Variants in PTPRD observed in about 807,000 individuals in gnomAD.
The protein encoded by PTPRD is protein tyrosine phosphatase receptor type D, also known as receptor-type tyrosine-protein phosphatase delta.
A neutral mutation model predicts 214.5 loss-of-function variants in PTPRD; 34 were observed. The observed-to-expected ratio is 0.16, with a 90% CI of 0.12 to 0.21. The LOEUF (loss-of-function observed/expected upper bound fraction) is 0.21. Ranked by LOEUF, PTPRD falls within the 10% of genes least tolerant of loss-of-function variation. PTPRD has a pLI of 1.00. For synonymous variants in PTPRD, 1,128 were observed against 845.7 expected, an observed-to-expected ratio of 1.33 and a Z score of -5.79; for missense variants, 2,545 against 2,398.7, an observed-to-expected ratio of 1.06 and a Z score of -1.27.
chr9:9,521,680 C>A (rs931440181), intron 8 of PTPRD, among the ~76,000 whole-genome samples: 1 of 152,076 alleles, frequency 6.6e-6, no homozygotes, highest in East Asian at 1.9e-4. Flanking sequence ...TCGTAAATGA[C>A]ATACACATGT....
intron 11 of PTPRD, among the ~76,000 whole-genome samples, chr9:8,935,653 G>A (rs72706277): frequency 0.26 from 38,795 of 152,006 alleles, 5,610 homozygotes; most frequent in Middle Eastern, 0.34. Flanking sequence ...GCATCTGAAC[G>A]TGTGCAGTTT....
In PTPRD at chr9:10,585,267, G is replaced by A. The variant is rs976849230; in HGVS notation, c.-600+27131C>T. Among the ~76,000 whole-genome samples, 6 of 151,604 alleles carry A rather than the reference G, an allele frequency of 4.0e-5. No homozygotes were observed. In the East Asian group the frequency reaches 5.8e-4, roughly 15 times the overall value. On this transcript the variant is annotated intron_variant, in intron 2 of 45. Coordinates refer to ENST00000381196, the MANE Select transcript of PTPRD (RefSeq NM_002839.4). ...ATTGAAGTAATAACTTATTTTTTGTGCTCATCCTTCTCTTGGATATTTGCT... is the reference window on the plus strand; with the variant it reads ...ATTGAAGTAATAACTTATTTTTTGTACTCATCCTTCTCTTGGATATTTGCT...
chr9:10,485,453 T>C (rs1258175370), intron 2 of PTPRD, among the ~76,000 whole-genome samples: 3 of 152,158 alleles, frequency 2.0e-5, no homozygotes, highest in Non-Finnish European at 2.9e-5. Context: ...CTATGGGTTG[T>C]ATGGACATTT....
intron 9 of PTPRD, among the ~76,000 whole-genome samples, chr9:9,220,440 A>G (rs2099955160): frequency 6.6e-6 from 1 of 151,864 alleles, no homozygotes; most frequent in African/African-American, 2.4e-5. Context: ...AGTTAGCCCA[A>G]ACATATTTGG....
chr9:9,590,897 G>A (rs1365706324), intron 7 of PTPRD, among the ~76,000 whole-genome samples: 1 of 151,984 alleles, frequency 6.6e-6, no homozygotes, highest in African/African-American at 2.4e-5. Flanking sequence ...TTTGCTTTGG[G>A]TATTATCGTG....
At chr9:9,560,930 C>T (rs1417715311) in intron 8 of PTPRD, among the ~76,000 whole-genome samples, 2 of 152,044 alleles carry the variant, frequency 1.3e-5, no homozygotes, top group Non-Finnish European at 2.9e-5. Context: ...ACGAGCAAGC[C>T]GAGCTGTGTC....
chr9:8,579,316 C>T (rs1435553586), intron 14 of PTPRD, among the ~76,000 whole-genome samples: 1 of 152,146 alleles, frequency 6.6e-6, no homozygotes, highest in African/African-American at 2.4e-5. Flanking sequence ...ATATAATCCT[C>T]AGTAAGAAAT....
At chr9:9,491,414 A>G (rs1323602033) in intron 8 of PTPRD, among the ~76,000 whole-genome samples, 1 of 152,008 alleles carries the variant, frequency 6.6e-6, no homozygotes, top group African/African-American at 2.4e-5. Context: ...TAAGGAAATA[A>G]AGAACTTAAT....
chr9:10,412,142 T>G (rs1415147521), intron 2 of PTPRD, among the ~76,000 whole-genome samples: 3 of 151,662 alleles, frequency 2.0e-5, no homozygotes, highest in Non-Finnish European at 4.4e-5. Flanking sequence ...ATGAGAAGAA[T>G]TTGAAGACTA....
intron 3 of PTPRD, among the ~76,000 whole-genome samples, chr9:10,177,282 G>A (rs935948987): frequency 1.3e-5 from 2 of 151,668 alleles, no homozygotes; most frequent in Non-Finnish European, 3.0e-5. Context: ...TGGAAGTTCA[G>A]GGAAGAGAAT....
intron 39 of PTPRD, among the ~76,000 whole-genome samples, chr9:8,357,464 G>A (rs897630469): frequency 3.3e-5 from 5 of 152,152 alleles, no homozygotes; most frequent in African/African-American, 1.2e-4. Context: ...AACCCCTGAA[G>A]AGGGATAAAC....
At chr9:8,577,984 T>C (rs2092639494) in intron 14 of PTPRD, among the ~76,000 whole-genome samples, 1 of 152,214 alleles carries the variant, frequency 6.6e-6, no homozygotes, top group South Asian at 2.1e-4. Flanking sequence ...GGTTTTCATC[T>C]TCCTTTCATT....
chr9:8,576,204 C>G (rs2092337262), intron 14 of PTPRD, among the ~76,000 whole-genome samples: 1 of 152,028 alleles, frequency 6.6e-6, no homozygotes, highest in African/African-American at 2.4e-5. Context: ...GCATAGAATA[C>G]CTGCAGCAAT....
rs181278919 is a variant in PTPRD at position 9,178,253 on chromosome 9, C to G, written c.-143+5051G>C. On this transcript the variant is annotated intron_variant, in intron 10 of 45. Coordinates refer to ENST00000381196, the MANE Select transcript of PTPRD (RefSeq NM_002839.4). ...ACTGTGACCTCCCTTAGTCTTTCTGCCTTAATTGCCTTGGTTTTCCTGCCT... is the reference window on the plus strand; with the variant it reads ...ACTGTGACCTCCCTTAGTCTTTCTGGCTTAATTGCCTTGGTTTTCCTGCCT... Among the ~76,000 whole-genome samples, 174 of 151,964 alleles carry G rather than the reference C, an allele frequency of 1.1e-3. 1 individual carries two copies. Among genetic ancestry groups the G allele is most frequent in the African/African-American group, 4.1e-3 (169 of 41,488 alleles).
intron 21 of PTPRD, among the ~76,000 whole-genome samples, chr9:8,512,846 C>CT (rs755009632): frequency 2.0e-5 from 3 of 151,926 alleles, no homozygotes; most frequent in East Asian, 3.9e-4. Context: ...TTAGCATGAA[C>CT]ATCAAGCAAC....
intron 11 of PTPRD, among the ~76,000 whole-genome samples, chr9:9,016,360 C>G (rs774195603): frequency 3.4e-4 from 51 of 152,108 alleles, no homozygotes; most frequent in Non-Finnish European, 5.9e-4. Context: ...GGTTCCAATT[C>G]CAATTCTTTC....
At chr9:10,589,476 CTG>C (rs748066476) in intron 2 of PTPRD, among the ~76,000 whole-genome samples, 9 of 152,026 alleles carry the variant, frequency 5.9e-5, no homozygotes, top group Non-Finnish European at 8.8e-5. Context: ...ACTGAAGAAG[CTG>C]TTTCAATAAA....
At chr9:8,886,812 CTAAT>C (rs1202047313) in intron 11 of PTPRD, among the ~76,000 whole-genome samples, 6 of 152,208 alleles carry the variant, frequency 3.9e-5, no homozygotes, top group African/African-American at 1.4e-4. Flanking sequence ...CTTAAAAACT[CTAAT>C]TATACATTTC....
chr9:8,794,742 G>A (rs1328206026), intron 11 of PTPRD, among the ~76,000 whole-genome samples: 2 of 151,922 alleles, frequency 1.3e-5, no homozygotes, highest in Admixed American at 1.3e-4. Flanking sequence ...TCACTGACTT[G>A]CCTCAGAGGA....
Sources: gnomAD v4.1 joint callset for allele counts (sites outside exome capture counted in the v4.1 genomes callset) on GRCh38, gnomAD v4.1.1 for gene constraint, MANE v1.5 for transcripts, NCBI Gene and HGNC (gene_info 2026-07-23, HGNC 2026-07-21) for gene names.